The following COL28A1 variants were observed in gnomAD, a reference collection of about 807,000 sequenced individuals.
COL28A1 encodes the protein collagen type XXVIII alpha 1 chain, also known as collagen alpha-1(XXVIII) chain.
A neutral mutation model predicts 150.2 loss-of-function variants in COL28A1; 161 were observed. The ratio of observed to expected loss-of-function variants is 1.07; its 90% CI spans 0.94 to 1.22. COL28A1 has a LOEUF of 1.22. Among genes scored for constraint, COL28A1 ranks in the 50% most tolerant of loss-of-function variants. COL28A1 has a pLI of 0.00. For missense variants in COL28A1, 1,617 were observed against 1,388.3 expected (o/e 1.16, Z -2.62); for synonymous variants, 552 against 469.7 (o/e 1.18, Z -2.26).
intron 25 of COL28A1, among the ~76,000 whole-genome samples, chr7:7,421,865 C>A (rs17151547): frequency 0.096 from 14,676 of 152,132 alleles, 866 homozygotes; most frequent in Middle Eastern, 0.21. Flanking sequence ...TCTAAGGCTA[C>A]GGGTGCTAAT....
At chr7:7,343,699 T>C in the COL28A1 span, among the ~76,000 whole-genome samples, 1 of 152,092 alleles carries the variant, frequency 6.6e-6, no homozygotes, top group Non-Finnish European at 1.5e-5. Flanking sequence ...AACATATTTC[T>C]CTTTCTATAT....
chr7:7,525,061 G>A (rs980642207), intron 3 of COL28A1, among the ~76,000 whole-genome samples: 1 of 152,110 alleles, frequency 6.6e-6, no homozygotes, highest in Admixed American at 6.6e-5. Flanking sequence ...AAAACTAAGT[G>A]ATAGAAAAGT....
At chr7:7,498,957 C>G (rs1040154029) in intron 11 of COL28A1, among the ~76,000 whole-genome samples, 2 of 152,158 alleles carry the variant, frequency 1.3e-5, no homozygotes, top group Non-Finnish European at 2.9e-5. Flanking sequence ...TGCTGAGAAC[C>G]ACATGCATCA....
intron 34 of COL28A1, 48 bp from the exon 35 acceptor site, chr7:7,358,853 G>A: frequency 6.8e-7 from 1 of 1,461,232 alleles, no homozygotes; most frequent in Non-Finnish European, 9.4e-7. Flanking sequence ...TTATACTGAA[G>A]ACATGAAAAA....
intron 11 of COL28A1, among the ~76,000 whole-genome samples, chr7:7,498,432 T>G (rs1211209910): frequency 6.6e-6 from 1 of 152,136 alleles, no homozygotes; most frequent in Non-Finnish European, 1.5e-5. Flanking sequence ...GTGATAATGT[T>G]TCTTCAAAAC....
the COL28A1 span, among the ~76,000 whole-genome samples, chr7:7,346,512 G>C: frequency 1.3e-5 from 2 of 151,958 alleles, no homozygotes; most frequent in African/African-American, 4.8e-5. Flanking sequence ...TGAAAATAAA[G>C]ATTTCTCCCA....
At chr7:7,434,787 T>C (rs1438169905) in intron 23 of COL28A1, among the ~76,000 whole-genome samples, 3 of 152,206 alleles carry the variant, frequency 2.0e-5, no homozygotes, top group African/African-American at 7.2e-5. Flanking sequence ...ATAGATGGAA[T>C]TTTGCCACTT....
At chr7:7,446,781 C>G (rs1256431595) in intron 18 of COL28A1, among the ~76,000 whole-genome samples, 6 of 152,128 alleles carry the variant, frequency 3.9e-5, no homozygotes, top group Non-Finnish European at 1.5e-5. Context: ...GATTGAGAAA[C>G]CAGGGCAAGT....
chr7:7,493,107 C>T (rs901435752), intron 11 of COL28A1, among the ~76,000 whole-genome samples: 2 of 148,928 alleles, frequency 1.3e-5, no homozygotes, highest in Admixed American at 1.3e-4. Context: ...CTACCCACTG[C>T]TGAATTTGTC....
intron 27 of COL28A1, among the ~76,000 whole-genome samples, chr7:7,405,447 A>T (rs1039293916): frequency 6.6e-6 from 1 of 152,206 alleles, no homozygotes; most frequent in East Asian, 1.9e-4. Flanking sequence ...ATTTTTCAAA[A>T]CCAACAGAAG....
the COL28A1 span, among the ~76,000 whole-genome samples, chr7:7,349,691 T>C: frequency 1.3e-5 from 2 of 152,126 alleles, no homozygotes; most frequent in Non-Finnish European, 2.9e-5. Context: ...CCTCACTTTC[T>C]TTCCTGCCTC....
chr7:7,341,743 T>C, the COL28A1 span, among the ~76,000 whole-genome samples: 6 of 152,176 alleles, frequency 3.9e-5, no homozygotes, highest in African/African-American at 1.4e-4. Flanking sequence ...TCTTCATTTA[T>C]ATATGAGGAT....
At chr7:7,490,069 A>G (rs1232251903) in intron 12 of COL28A1, among the ~76,000 whole-genome samples, 1 of 152,246 alleles carries the variant, frequency 6.6e-6, no homozygotes, top group Non-Finnish European at 1.5e-5. Flanking sequence ...CATTCAAAAT[A>G]GGCACTTCTG....
chr7:7,480,644 A>T (rs1160906979), intron 13 of COL28A1, among the ~76,000 whole-genome samples: 1 of 152,220 alleles, frequency 6.6e-6, no homozygotes, highest in Non-Finnish European at 1.5e-5. Flanking sequence ...TATTAAATGT[A>T]AGGAAGTATT....
chr7:7,501,057 G>A (rs568925125), intron 11 of COL28A1, among the ~76,000 whole-genome samples: 1 of 152,208 alleles, frequency 6.6e-6, no homozygotes, highest in Non-Finnish European at 1.5e-5. Context: ...AACTGGGCCA[G>A]TCTAGTGCTA....
chr7:7,506,883 G>A (rs866278825), intron 10 of COL28A1, among the ~76,000 whole-genome samples: 3 of 152,158 alleles, frequency 2.0e-5, no homozygotes, highest in African/African-American at 7.2e-5. Context: ...ATACTTGCCT[G>A]TTGGTACCTA....
intron 27 of COL28A1, among the ~76,000 whole-genome samples, chr7:7,409,055 G>A (rs965247328): frequency 2.6e-5 from 4 of 152,086 alleles, no homozygotes; most frequent in Non-Finnish European, 4.4e-5. Context: ...ACAGGATGGT[G>A]AGGCTTGAAT....
At chr7:7,542,499 A>G in the COL28A1 span, among the ~76,000 whole-genome samples, 5 of 152,196 alleles carry the variant, frequency 3.3e-5, no homozygotes, top group African/African-American at 1.2e-4. Context: ...GACAATTTTC[A>G]TAACAAAATA....
intron 32 of COL28A1, among the ~76,000 whole-genome samples, chr7:7,372,764 A>G (rs1179098409): frequency 6.6e-6 from 1 of 152,192 alleles, no homozygotes; most frequent in Non-Finnish European, 1.5e-5. Flanking sequence ...GACTCTAGTT[A>G]ACTCCAAGGC....
Sources: allele counts gnomAD v4.1 joint callset (sites outside exome capture counted in the v4.1 genomes callset), GRCh38; gene constraint gnomAD v4.1.1; transcripts MANE v1.5; gene names NCBI Gene and HGNC (gene_info 2026-07-23, HGNC 2026-07-21).